Variants in MEGF11 observed in about 807,000 individuals in gnomAD.
MEGF11 encodes multiple EGF like domains 11.
MEGF11 carries 126 observed loss-of-function variants against 146.6 expected under a neutral mutation model. That is an observed-to-expected ratio of 0.86 (90% CI 0.74 to 1.00). The LOEUF (loss-of-function observed/expected upper bound fraction) is 1.00. Among genes scored for constraint, MEGF11 ranks in the 50% least tolerant of loss-of-function variants. MEGF11 has a pLI of 0.00. For synonymous variants in MEGF11, 532 were observed against 583.4 expected, an observed-to-expected ratio of 0.91 and a Z score of 1.27; for missense variants, 1,509 against 1,521.2, an observed-to-expected ratio of 0.99 and a Z score of 0.13.
Position 66,214,120 on chromosome 15 carries a change from C to T in MEGF11, c.-9+39485G>A, listed in dbSNP as rs184627389. The stretch of plus-strand genomic sequence containing the variant: ...GCACAATCTTGGCTCACTGCAACCT[C>T]TGCCTCCCGGGTTCAAGTGATTCTC... On this transcript the variant is annotated intron_variant, in intron 1 of 25. Coordinates refer to ENST00000395614, the MANE Select transcript of MEGF11 (RefSeq NM_001385028.1). Among the ~76,000 whole-genome samples the T allele has an allele frequency of 2.2e-4, 32 of 147,518 alleles. No individual in the cohort carries two copies. The East Asian group carries it at 4.9e-3, about 22-fold the overall frequency.
At chr15:65,998,970 C>A (rs1441492451) in intron 5 of MEGF11, among the ~76,000 whole-genome samples, 2 of 151,974 alleles carry the variant, frequency 1.3e-5, no homozygotes, top group Non-Finnish European at 2.9e-5. Context: ...GCCCAGGCCT[C>A]AGCACCCCCT....
At chr15:65,905,104 G>T (rs1292472316) in intron 24 of MEGF11, among the ~76,000 whole-genome samples, 1 of 152,210 alleles carries the variant, frequency 6.6e-6, no homozygotes, top group Non-Finnish European at 1.5e-5. Context: ...TGTTGGCCAG[G>T]CTGGTCTTGA....
intron 1 of MEGF11, among the ~76,000 whole-genome samples, chr15:66,162,719 G>A (rs1002161040): frequency 3.9e-5 from 6 of 152,148 alleles, no homozygotes; most frequent in African/African-American, 1.4e-4. Context: ...TCTGGGTGGG[G>A]CCACACAGGT....
intron 5 of MEGF11, among the ~76,000 whole-genome samples, chr15:66,025,957 A>C (rs2083315520): frequency 6.6e-6 from 1 of 152,222 alleles, no homozygotes; most frequent in African/African-American, 2.4e-5. Context: ...GTCAGGAGAG[A>C]AAGGCCTGAC....
At chr15:66,033,350 AG>A (rs1368889589) in intron 5 of MEGF11, among the ~76,000 whole-genome samples, 3 of 152,190 alleles carry the variant, frequency 2.0e-5, no homozygotes, top group East Asian at 3.9e-4. Context: ...GAAGGGCCCC[AG>A]GGTGCCCTCC....
intron 10 of MEGF11, among the ~76,000 whole-genome samples, chr15:65,942,668 C>T (rs1039921320): frequency 1.3e-5 from 2 of 152,006 alleles, no homozygotes; most frequent in Non-Finnish European, 2.9e-5. Context: ...TTTGATTCCC[C>T]GTGCCTGGCC....
chr15:66,054,713 G>T (rs2084610247), intron 5 of MEGF11, among the ~76,000 whole-genome samples: 1 of 152,164 alleles, frequency 6.6e-6, no homozygotes. Context: ...ACTATATAAA[G>T]TCTTCATTTT....
At chr15:66,055,845 G>A (rs1325577539) in intron 5 of MEGF11, among the ~76,000 whole-genome samples, 1 of 152,096 alleles carries the variant, frequency 6.6e-6, no homozygotes, top group African/African-American at 2.4e-5. Context: ...GGTGGTGGTG[G>A]TTTCCATCTC....
intron 7 of MEGF11, among the ~76,000 whole-genome samples, chr15:65,979,933 C>T (rs2081575568): frequency 6.6e-6 from 1 of 152,156 alleles, no homozygotes; most frequent in South Asian, 2.1e-4. Context: ...TCTTACCCTC[C>T]TTTCCCACAG....
At chr15:66,186,070 C>G (rs1011441134) in intron 1 of MEGF11, among the ~76,000 whole-genome samples, 5 of 152,144 alleles carry the variant, frequency 3.3e-5, no homozygotes, top group Admixed American at 3.3e-4. Context: ...GGTTCAGCTT[C>G]GCCTAGACAG....
intron 1 of MEGF11, among the ~76,000 whole-genome samples, chr15:66,186,434 G>T (rs1313515794): frequency 1.3e-5 from 2 of 152,200 alleles, no homozygotes; most frequent in Non-Finnish European, 2.9e-5. Context: ...AATTTGCCCT[G>T]TGGGGAAGGA....
intron 5 of MEGF11, among the ~76,000 whole-genome samples, chr15:65,983,717 G>A (rs1250687164): frequency 6.6e-6 from 1 of 152,172 alleles, no homozygotes; most frequent in Non-Finnish European, 1.5e-5. Flanking sequence ...TGGAGTGGCC[G>A]GTCACCGAGA....
intron 25 of MEGF11, 182 bp from the exon 26 acceptor site, chr15:65,898,276 A>C (rs1314238822): frequency 2.0e-6 from 2 of 985,302 alleles, no homozygotes; most frequent in Non-Finnish European, 2.4e-6. Context: ...ATGTGCTGTC[A>C]ACATCCAAGC....
chr15:66,253,276 C>A (rs978232474), intron 1 of MEGF11, among the ~76,000 whole-genome samples: 1 of 152,212 alleles, frequency 6.6e-6, no homozygotes, highest in Non-Finnish European at 1.5e-5. Flanking sequence ...CGCGCCACTG[C>A]TCTCGGGTCT....
intron 1 of MEGF11, among the ~76,000 whole-genome samples, chr15:66,160,907 C>T (rs1415741307): frequency 6.6e-6 from 1 of 152,080 alleles, no homozygotes; most frequent in Non-Finnish European, 1.5e-5. Context: ...GAGGACCTTG[C>T]TGAGAAGCTG....
chr15:66,235,228 C>T (rs1464387053), intron 1 of MEGF11, among the ~76,000 whole-genome samples: 1 of 152,106 alleles, frequency 6.6e-6, no homozygotes, highest in Non-Finnish European at 1.5e-5. Context: ...TATAGCAGGG[C>T]AAGGTGGCTT....
At chr15:66,029,869 C>G (rs2083457045) in intron 5 of MEGF11, among the ~76,000 whole-genome samples, 2 of 152,238 alleles carry the variant, frequency 1.3e-5, no homozygotes, top group East Asian at 3.8e-4. Context: ...GTCCCTTTCC[C>G]TCCTCTGGAC....
chr15:66,036,527 A>G (rs1425036241), intron 5 of MEGF11, among the ~76,000 whole-genome samples: 3 of 152,094 alleles, frequency 2.0e-5, no homozygotes, highest in African/African-American at 7.2e-5. Flanking sequence ...TTTTGCTATC[A>G]CACACAGTGC....
intron 11 of MEGF11, 89 bp from the exon 12 acceptor site, chr15:65,929,972 C>T (rs2079515815): frequency 1.6e-6 from 2 of 1,253,222 alleles, no homozygotes; most frequent in African/African-American, 1.5e-5. Context: ...CACAGCATTC[C>T]ACCCAAACCA....
Sources: gnomAD v4.1 joint callset for allele counts (sites outside exome capture counted in the v4.1 genomes callset) on GRCh38, gnomAD v4.1.1 for gene constraint, MANE v1.5 for transcripts, NCBI Gene and HGNC (gene_info 2026-07-23, HGNC 2026-07-21) for gene names.